RMDN2: variants seen among roughly 807,000 people sequenced by gnomAD.
The protein encoded by RMDN2 is regulator of microtubule dynamics 2.
Under a neutral mutation model 52.8 loss-of-function variants are expected in RMDN2, and 61 were observed. That is an observed-to-expected ratio of 1.16 (90% CI 0.94 to 1.43). The LOEUF (loss-of-function observed/expected upper bound fraction) is 1.43, where lower values mean the gene tolerates loss of function less well. Ranked by LOEUF, RMDN2 falls within the 40% of genes most tolerant of loss-of-function variation. RMDN2 has a pLI of 0.00. For missense variants in RMDN2, 592 were observed against 475.3 expected, an observed-to-expected ratio of 1.25 and a Z score of -2.28; for synonymous variants, 180 against 153.1, an observed-to-expected ratio of 1.18 and a Z score of -1.30.
chr2:38,027,848 G>C (rs190522689), intron 10 of RMDN2, among the ~76,000 whole-genome samples: 73 of 152,284 alleles, frequency 4.8e-4, no homozygotes, highest in Admixed American at 2.0e-3. Context: ...CCACAAAACT[G>C]TGGCATTAAT....
chr2:37,940,872 C>G (rs1410776817), intron 2 of RMDN2, among the ~76,000 whole-genome samples: 1 of 152,196 alleles, frequency 6.6e-6, no homozygotes, highest in Non-Finnish European at 1.5e-5. Context: ...TTATTACCCA[C>G]CTTCTGAAGC....
chr2:37,982,877 A>G (rs893860655), intron 5 of RMDN2, among the ~76,000 whole-genome samples: 4 of 152,148 alleles, frequency 2.6e-5, no homozygotes, highest in African/African-American at 9.7e-5. Context: ...TCCTACGTTT[A>G]GTAGTAACTG....
At chr2:38,004,912 T>G (rs1268013666) in intron 10 of RMDN2, among the ~76,000 whole-genome samples, 4 of 151,820 alleles carry the variant, frequency 2.6e-5, no homozygotes, top group African/African-American at 7.3e-5. Context: ...TGTGTTCTGA[T>G]TGTTCAGTTC....
At chr2:38,057,200 T>C (rs1681883192) in intron 10 of RMDN2, among the ~76,000 whole-genome samples, 1 of 152,210 alleles carries the variant, frequency 6.6e-6, no homozygotes. Context: ...TTGGCAAACT[T>C]TTCCTGTAAG....
At chr2:37,928,386 G>A (rs1005401359) in intron 1 of RMDN2, among the ~76,000 whole-genome samples, 4 of 152,180 alleles carry the variant, frequency 2.6e-5, no homozygotes, top group African/African-American at 9.7e-5. Context: ...GCCATTTGAA[G>A]TGTAAGAAAC....
intron 2 of RMDN2, among the ~76,000 whole-genome samples, chr2:37,933,058 A>G (rs1355599752): frequency 6.7e-6 from 1 of 148,688 alleles, no homozygotes; most frequent in Non-Finnish European, 1.5e-5. Context: ...CACTTCTCAG[A>G]TGGGGCGGTT....
intron 2 of RMDN2, among the ~76,000 whole-genome samples, chr2:37,940,346 G>C (rs1667679745): frequency 1.3e-5 from 2 of 152,172 alleles, no homozygotes; most frequent in Non-Finnish European, 2.9e-5. Context: ...TGGTGAATCT[G>C]ACAATTATGT....
chr2:37,922,931 G>A (rs143450099), upstream of RMDN2, among the ~76,000 whole-genome samples: 1 of 152,206 alleles, frequency 6.6e-6, no homozygotes, highest in Non-Finnish European at 1.5e-5. Context: ...ATGTCTGGTG[G>A]AAGTAGCGGA....
At chr2:38,015,211 C>T (rs1026339579) in intron 10 of RMDN2, among the ~76,000 whole-genome samples, 2 of 152,142 alleles carry the variant, frequency 1.3e-5, no homozygotes, top group African/African-American at 2.4e-5. Context: ...CAGATGGCCC[C>T]TGAATGAGAT....
At chr2:38,014,196 G>A (rs1678412517) in intron 10 of RMDN2, among the ~76,000 whole-genome samples, 1 of 152,078 alleles carries the variant, frequency 6.6e-6, no homozygotes, top group South Asian at 2.1e-4. Context: ...AGGGCAACAA[G>A]AGTGAAACTC....
intron 1 of RMDN2, among the ~76,000 whole-genome samples, chr2:37,928,484 T>G (rs1666463107): frequency 6.6e-6 from 1 of 152,232 alleles, no homozygotes; most frequent in Non-Finnish European, 1.5e-5. Context: ...ATTTTCATCT[T>G]ACTGATATTT....
At chr2:37,948,239 T>A (rs1239574500) in intron 2 of RMDN2, among the ~76,000 whole-genome samples, 1 of 152,228 alleles carries the variant, frequency 6.6e-6, no homozygotes, top group Non-Finnish European at 1.5e-5. Flanking sequence ...AGAAGCTCTG[T>A]GGGTGACTCT....
At chr2:37,927,221 T>C (rs1213826283) in intron 1 of RMDN2, among the ~76,000 whole-genome samples, 2 of 152,252 alleles carry the variant, frequency 1.3e-5, no homozygotes, top group Non-Finnish European at 2.9e-5. Context: ...GTCAGTACTC[T>C]CCTTCACCTC....
At chr2:38,031,564 C>G (rs1485379509) in intron 10 of RMDN2, among the ~76,000 whole-genome samples, 5 of 152,088 alleles carry the variant, frequency 3.3e-5, no homozygotes, top group African/African-American at 9.7e-5. Context: ...GTCACAAATC[C>G]CCTCCCGCAA....
At position 37,929,940 on chromosome 2, in the gene RMDN2, A is replaced by T. The variant is rs564321661; in HGVS notation, c.452+211A>T. Among the ~76,000 whole-genome samples the T allele has an allele frequency of 1.4e-4, 21 of 152,362 alleles. No homozygotes were observed. The South Asian group carries it at 4.3e-3, about 32-fold the overall frequency. ...CATATTGACAAAAGGAATATAAAAA[A>T]CTTACTGGTAGCAGGTGGTATTATG... On this transcript the variant is annotated intron_variant, in intron 2 of 10. Coordinates refer to ENST00000354545, the MANE Select transcript of RMDN2 (RefSeq NM_001170791.3).
chr2:37,979,704 T>C (rs1362053259), intron 4 of RMDN2, among the ~76,000 whole-genome samples: 1 of 152,228 alleles, frequency 6.6e-6, no homozygotes. Context: ...GCTTTACTTT[T>C]ATTCTGACTG....
intron 2 of RMDN2, among the ~76,000 whole-genome samples, chr2:37,943,506 A>G (rs766936955): frequency 3.3e-5 from 5 of 152,312 alleles, no homozygotes; most frequent in Non-Finnish European, 5.9e-5. Context: ...TGCATGTCTC[A>G]TGTTGTTTTA....
chr2:37,965,524 A>G (rs1670924261), intron 2 of RMDN2, among the ~76,000 whole-genome samples: 2 of 152,046 alleles, frequency 1.3e-5, no homozygotes, highest in African/African-American at 2.4e-5. Context: ...CCACCCATGT[A>G]TTTTGTTGAT....
At chr2:37,953,693 C>G (rs1244855102) in intron 2 of RMDN2, among the ~76,000 whole-genome samples, 1 of 151,908 alleles carries the variant, frequency 6.6e-6, no homozygotes, top group Non-Finnish European at 1.5e-5. Flanking sequence ...CCTTTCAGTT[C>G]TTTTGAGTAT....
Sources: allele counts gnomAD v4.1 joint callset (sites outside exome capture counted in the v4.1 genomes callset), GRCh38; gene constraint gnomAD v4.1.1; transcripts MANE v1.5; gene names NCBI Gene and HGNC (gene_info 2026-07-23, HGNC 2026-07-21).